The following ENTPD7 variants were observed in gnomAD, a reference collection of about 807,000 sequenced individuals.
The protein encoded by ENTPD7 is ectonucleoside triphosphate diphosphohydrolase 7.
In ENTPD7, 53 loss-of-function variants were observed where a neutral mutation model predicts 77.9. That is an observed-to-expected ratio of 0.68 (90% CI 0.55 to 0.85). The LOEUF (loss-of-function observed/expected upper bound fraction) is 0.85. Ranked by LOEUF, ENTPD7 falls within the 40% of genes least tolerant of loss-of-function variation. The probability of loss-of-function intolerance (pLI) is 0.00; values close to 1 mark genes in which losing one functional copy is unlikely to be tolerated. For synonymous variants in ENTPD7, 248 were observed against 274.9 expected, an observed-to-expected ratio of 0.90 and a Z score of 0.97; for missense variants, 636 against 743.7, an observed-to-expected ratio of 0.86 and a Z score of 1.68.
chr10:99,674,616 CAT>C (rs1418320848), intron 3 of ENTPD7, among the ~76,000 whole-genome samples: 2 of 152,204 alleles, frequency 1.3e-5, no homozygotes, highest in South Asian at 2.1e-4. Flanking sequence ...TGTGTTGTAA[CAT>C]GTGACAGGAT....
Position 99,679,482 on chromosome 10 carries a change from T to C in ENTPD7, c.397+16T>C. On this transcript the variant is annotated intron_variant, in intron 4 of 12. Transcript: ENST00000370489. ...ATCAAGCCAGGTACTAATCAGAATA[T>C]ATTTTGTTGTCAGTCTCTTTTAAGG... 2.5e-6 allele frequency: 4 copies of C among 1,595,964 alleles called. No individual in the cohort carries two copies. Among genetic ancestry groups the C allele is most frequent in the Non-Finnish European group, 3.4e-6 (4 of 1,172,790 alleles).
rs2036254753 is a variant in ENTPD7 at position 99,706,434 on chromosome 10, C to A, written c.*1751C>A. 6.6e-6 allele frequency among the ~76,000 whole-genome samples: 1 copy of A among 151,946 alleles called. No individual in the cohort carries two copies. Among genetic ancestry groups the A allele is most frequent in the South Asian group, 2.1e-4 (1 of 4,814 alleles). On this transcript the variant is annotated 3_prime_UTR_variant, in exon 13 of 13. Coordinates refer to ENST00000370489, the MANE Select transcript of ENTPD7 (RefSeq NM_020354.5). The stretch of plus-strand genomic sequence containing the variant: ...CACCGCAGCCTCAACCTCCTGGGCT[C>A]AAACAGTCCTCCCAACTCAGACTCC...
intron 7 of ENTPD7, 93 bp downstream of exon 7, chr10:99,688,843 G>T: frequency 2.4e-6 from 3 of 1,248,348 alleles, no homozygotes; most frequent in Non-Finnish European, 2.3e-6. Context: ...ATTTTGAGTT[G>T]TTTTTCTTTT....
intron 3 of ENTPD7, among the ~76,000 whole-genome samples, chr10:99,667,929 CTTTTTT>C (rs61543336): frequency 1.2e-5 from 1 of 85,546 alleles, no homozygotes; most frequent in Non-Finnish European, 2.1e-5. Flanking sequence ...AAATGATAAT[CTTTTTT>C]TTTTTTTTTT....
intron 8 of ENTPD7, 48 bp downstream of exon 8, chr10:99,691,566 G>A (rs1172232073): frequency 1.9e-6 from 3 of 1,603,236 alleles, no homozygotes; most frequent in South Asian, 1.1e-5. Flanking sequence ...GCTAGTATTT[G>A]AGAAGGAAGG....
At chr10:99,680,364 A>C (rs1040899292) in intron 5 of ENTPD7, among the ~76,000 whole-genome samples, 1 of 152,072 alleles carries the variant, frequency 6.6e-6, no homozygotes, top group Non-Finnish European at 1.5e-5. Context: ...TTTGCAATTC[A>C]GCCTGACACC....
rs1420077908 is a variant in ENTPD7 at position 99,704,140 on chromosome 10, T to C, written c.1584-312T>C. On this transcript the variant is annotated intron_variant, in intron 12 of 12. Transcript: ENST00000370489. ...TTTATAAGCCATATTTTAAGACTTATGTTACAGGTGATCAATCTAGCCTTT... is the reference window on the plus strand; with the variant it reads ...TTTATAAGCCATATTTTAAGACTTACGTTACAGGTGATCAATCTAGCCTTT... 3.3e-5 allele frequency among the ~76,000 whole-genome samples: 5 copies of C among 152,344 alleles called. No homozygotes were observed. In the East Asian group the frequency reaches 7.7e-4, roughly 24 times the overall value.
chr10:99,694,535 TTTG>T (rs2035937674), intron 8 of ENTPD7, among the ~76,000 whole-genome samples: 3 of 63,988 alleles, frequency 4.7e-5, no homozygotes, highest in Non-Finnish European at 1.0e-4. Flanking sequence ...CATAAGTTTT[TTTG>T]TTTTTTTTTT....
intron 9 of ENTPD7, among the ~76,000 whole-genome samples, chr10:99,698,333 C>G (rs138834800): frequency 6.6e-6 from 1 of 152,152 alleles, no homozygotes; most frequent in Admixed American, 6.5e-5. Flanking sequence ...CAGAATTGAT[C>G]ACCATATTCC....
chr10:99,691,280 T>C lies in ENTPD7; in HGVS notation c.710-105T>C. On this transcript the variant is annotated intron_variant, in intron 7 of 12. Transcript: ENST00000370489. ...GTTTTGGGATTACAGGTGTGAGCCA[T>C]GGCACCTGCCTGCTTTCAAATTTTC... 7.2e-6 allele frequency: 9 copies of C among 1,258,354 alleles called. No homozygotes were observed. The South Asian group carries it at 1.2e-4, about 17-fold the overall frequency. The allele number at this position is 1,258,354 out of a possible 1,614,324, so 77.9% of individuals were successfully genotyped here. A position where few individuals can be genotyped will look rare whatever the true frequency, so the allele number is the denominator to read the frequency against.
intron 3 of ENTPD7, among the ~76,000 whole-genome samples, chr10:99,663,908 T>C (rs2035517450): frequency 1.3e-5 from 2 of 152,208 alleles, no homozygotes; most frequent in Non-Finnish European, 2.9e-5. Context: ...TCCAGTAACA[T>C]GTATATTGAA....
intron 2 of ENTPD7, chr10:99,660,266 TAAAC>T: frequency 4.1e-6 from 4 of 975,836 alleles, no homozygotes; most frequent in Non-Finnish European, 4.9e-6. Flanking sequence ...TTGAGGAGGT[TAAAC>T]AAAGAAGTTT....
chr10:99,691,331 A>G, intron 7 of ENTPD7, 54 bp from the exon 8 acceptor site: 4 of 1,574,670 alleles, frequency 2.5e-6, no homozygotes, highest in Non-Finnish European at 3.4e-6. Context: ...TGGGGGTTTG[A>G]CTTAATTTTA....
In ENTPD7 at chr10:99,695,920, C is replaced by A. The variant is rs7919268; in HGVS notation, c.844-36C>A. The A allele has an allele frequency of 1.7e-5, 26 of 1,570,842 alleles. No individual in the cohort carries two copies. The African/African-American group carries it at 3.4e-4, about 21-fold the overall frequency. On this transcript the variant is annotated intron_variant, in intron 8 of 12. Transcript: ENST00000370489. ...ATAGCTTTCTAGAAGGCAACCAAAA[C>A]TAAAATTCCCTTTTTCTCTTGGTAT...
chr10:99,664,543 G>A (rs1011647672), intron 3 of ENTPD7, among the ~76,000 whole-genome samples: 1 of 150,450 alleles, frequency 6.6e-6, no homozygotes, highest in Admixed American at 6.7e-5. Flanking sequence ...TCTGCCTCCC[G>A]GGTTCAAGTG....
chr10:99,681,172 T>C (rs552534018), intron 5 of ENTPD7, among the ~76,000 whole-genome samples: 1 of 152,356 alleles, frequency 6.6e-6, no homozygotes, highest in African/African-American at 2.4e-5. Flanking sequence ...AATGCTTCAG[T>C]GAACATGGGA....
chr10:99,673,064 G>T (rs2035635302), intron 3 of ENTPD7, among the ~76,000 whole-genome samples: 1 of 152,206 alleles, frequency 6.6e-6, no homozygotes, highest in Middle Eastern at 3.2e-3. Context: ...TGACTCAGCA[G>T]TGACTAGAAG....
chr10:99,696,845 T>G (rs2035992737), intron 9 of ENTPD7, among the ~76,000 whole-genome samples: 1 of 152,178 alleles, frequency 6.6e-6, no homozygotes, highest in South Asian at 2.1e-4. Flanking sequence ...GTTTAAGTAA[T>G]TGGGTGATTG....
At position 99,679,431 on chromosome 10, in the gene ENTPD7, G is replaced by A. The variant is rs368620286; in HGVS notation, c.362G>A (p.Arg121His). The A allele has an allele frequency of 1.5e-5, 24 of 1,613,550 alleles. No individual in the cohort carries two copies. The highest frequency in any genetic ancestry group is 1.9e-5 in the Non-Finnish European group (23 of 1,179,930). Residue 121 changes from arginine to histidine, a missense_variant, in exon 4 of 13, where the codon CGC (arginine) becomes CAC (histidine). Coordinates refer to ENST00000370489, the MANE Select transcript of ENTPD7 (RefSeq NM_020354.5). Reference sequence around the variant, plus strand: ...CTGGACATCAAACAGATGAGAGACCGCAACAGCCAACCAGTGGTTAAAAAA... The same window carrying A: ...CTGGACATCAAACAGATGAGAGACCACAACAGCCAACCAGTGGTTAAAAAA... ...DLLDIKQMRD[R>H]NSQPVVKKIK...
Sources: allele counts gnomAD v4.1 joint callset (sites outside exome capture counted in the v4.1 genomes callset), GRCh38; gene constraint gnomAD v4.1.1; transcripts MANE v1.5; gene names NCBI Gene and HGNC (gene_info 2026-07-23, HGNC 2026-07-21).